Variants in OR2C1 observed in about 807,000 individuals in gnomAD.
OR2C1 encodes the protein olfactory receptor 2C1.
For synonymous variants in OR2C1, 209 were observed against 167.3 expected (o/e 1.25, Z -1.92); for missense variants, 468 against 388.3 (o/e 1.21, Z -1.73).
the OR2C1 span, among the ~76,000 whole-genome samples, chr16:3,349,440 G>A: frequency 6.6e-6 from 1 of 152,184 alleles, no homozygotes; most frequent in Non-Finnish European, 1.5e-5. Flanking sequence ...TCCAGGGCCA[G>A]AAGAGCCCCG....
At chr16:3,349,927 C>T in the OR2C1 span, among the ~76,000 whole-genome samples, 1 of 151,866 alleles carries the variant, frequency 6.6e-6, no homozygotes, top group African/African-American at 2.4e-5. Flanking sequence ...TGTTTTATGG[C>T]TTCTTCCTTT....
the OR2C1 span, among the ~76,000 whole-genome samples, chr16:3,349,784 C>A: frequency 6.6e-6 from 1 of 151,840 alleles, no homozygotes; most frequent in Non-Finnish European, 1.5e-5. Context: ...TGCCTGTAAT[C>A]CCAGCTACTA....
chr16:3,343,159 T>TG, the OR2C1 span, among the ~76,000 whole-genome samples: 1 of 151,810 alleles, frequency 6.6e-6, no homozygotes, highest in Admixed American at 6.6e-5. Context: ...CTTGCTGTAG[T>TG]GGCAGATACA....
chr16:3,343,221 TACAC>T, the OR2C1 span, among the ~76,000 whole-genome samples: 1 of 152,118 alleles, frequency 6.6e-6, no homozygotes, highest in Non-Finnish European at 1.5e-5. Flanking sequence ...CCTATGCACA[TACAC>T]ACACAAATCA....
the OR2C1 span, chr16:3,323,299 G>A: frequency 1.1e-6 from 1 of 948,064 alleles, no homozygotes; most frequent in African/African-American, 1.6e-5. Flanking sequence ...ACTGAGAGGT[G>A]GAAAGGGCAA....
chr16:3,352,581 A>C (rs752593063), upstream of OR2C1, among the ~76,000 whole-genome samples: 3 of 151,912 alleles, frequency 2.0e-5, no homozygotes, highest in African/African-American at 7.3e-5. Context: ...TCCTTAATTG[A>C]CTTTTTCTAA....
chr16:3,346,624 C>CTTTTTTTT, the OR2C1 span, among the ~76,000 whole-genome samples: 8 of 128,064 alleles, frequency 6.2e-5, no homozygotes, highest in Non-Finnish European at 9.5e-5. Flanking sequence ...GTCCATGCAT[C>CTTTTTTTT]TTTTTTTTTT....
At chr16:3,348,498 G>C in the OR2C1 span, among the ~76,000 whole-genome samples, 1 of 152,098 alleles carries the variant, frequency 6.6e-6, no homozygotes, top group Non-Finnish European at 1.5e-5. Flanking sequence ...AATAACCCCT[G>C]CCTGGTGTGA....
chr16:3,353,757 C>T (rs986795475), upstream of OR2C1, among the ~76,000 whole-genome samples: 7 of 151,602 alleles, frequency 4.6e-5, 1 homozygote, highest in Admixed American at 3.3e-4. Context: ...GCTGAGATCA[C>T]GCCACTGCAC....
the OR2C1 span, among the ~76,000 whole-genome samples, chr16:3,335,868 C>A: frequency 6.6e-6 from 1 of 152,162 alleles, no homozygotes. Flanking sequence ...GCAAACAAGA[C>A]TAACTTCGCT....
chr16:3,323,086 A>G, the OR2C1 span: 6 of 526,894 alleles, frequency 1.1e-5, no homozygotes, highest in Non-Finnish European at 1.8e-5. Context: ...ATAAAGCAGG[A>G]AATAGTCTTT....
upstream of OR2C1, among the ~76,000 whole-genome samples, chr16:3,353,696 T>G (rs4786406): frequency 0.59 from 88,502 of 150,410 alleles, 26,249 homozygotes; most frequent in East Asian, 0.81. Flanking sequence ...AGCTACTTGG[T>G]TGGCTGAGGC....
the OR2C1 span, among the ~76,000 whole-genome samples, chr16:3,340,822 C>G: frequency 6.6e-6 from 1 of 151,810 alleles, no homozygotes. Context: ...TGTATCTGTT[C>G]TTATGTCAGT....
the OR2C1 span, among the ~76,000 whole-genome samples, chr16:3,334,033 C>T: frequency 1.3e-5 from 2 of 151,990 alleles, no homozygotes; most frequent in African/African-American, 2.4e-5. Flanking sequence ...AGTGCAGTGG[C>T]ACAATCTTGG....
the OR2C1 span, among the ~76,000 whole-genome samples, chr16:3,344,113 T>C: frequency 1.3e-5 from 2 of 151,868 alleles, no homozygotes; most frequent in East Asian, 1.9e-4. Flanking sequence ...TCCAGCTACT[T>C]GGTAGGCCGA....
chr16:3,346,624 C>T, the OR2C1 span, among the ~76,000 whole-genome samples: 44 of 128,042 alleles, frequency 3.4e-4, no homozygotes, highest in African/African-American at 7.0e-4. Context: ...GTCCATGCAT[C>T]TTTTTTTTTT....
the OR2C1 span, among the ~76,000 whole-genome samples, chr16:3,341,748 T>C: frequency 2.0e-5 from 3 of 152,346 alleles, no homozygotes; most frequent in South Asian, 6.2e-4. Context: ...GCCATCTTCC[T>C]GGCACATGGA....
chr16:3,324,840 G>C, the OR2C1 span, among the ~76,000 whole-genome samples: 1 of 152,072 alleles, frequency 6.6e-6, no homozygotes, highest in African/African-American at 2.4e-5. Flanking sequence ...ATATATTGCA[G>C]GTTTGGTTCC....
chr16:3,338,899 T>A, the OR2C1 span, among the ~76,000 whole-genome samples: 1 of 152,210 alleles, frequency 6.6e-6, no homozygotes, highest in African/African-American at 2.4e-5. Flanking sequence ...AAGTGAAGAA[T>A]TTAATGACAT....
Sources: gnomAD v4.1 joint callset for allele counts (sites outside exome capture counted in the v4.1 genomes callset) on GRCh38, gnomAD v4.1.1 for gene constraint, MANE v1.5 for transcripts, NCBI Gene and HGNC (gene_info 2026-07-23, HGNC 2026-07-21) for gene names.